Variants in UTRN observed in about 807,000 individuals in gnomAD.
The protein encoded by UTRN is utrophin.
In UTRN, 283 loss-of-function variants were observed where a neutral mutation model predicts 463.9. That is an observed-to-expected ratio of 0.61 (90% confidence interval 0.55 to 0.67). UTRN has a LOEUF of 0.67. Ranked by LOEUF, UTRN falls within the 30% of genes least tolerant of loss-of-function variation. The probability of loss-of-function intolerance (pLI) is 0.00; values close to 1 mark genes in which losing one functional copy is unlikely to be tolerated. For missense variants in UTRN, 3,922 were observed against 4,084.3 expected (o/e 0.96, Z 1.08); for synonymous variants, 1,442 against 1,431.5 (o/e 1.01, Z -0.17).
intron 54 of UTRN, among the ~76,000 whole-genome samples, chr6:144,734,187 G>A (rs1275864000): frequency 2.0e-5 from 3 of 152,006 alleles, no homozygotes; most frequent in South Asian, 2.1e-4. Flanking sequence ...CATGTACCCC[G>A]TAAATATGTA....
At chr6:144,676,937 G>A (rs1294961747) in intron 51 of UTRN, among the ~76,000 whole-genome samples, 1 of 152,122 alleles carries the variant, frequency 6.6e-6, no homozygotes, top group Admixed American at 6.6e-5. Flanking sequence ...GAGAGTAAGA[G>A]TCTGTTGGAT....
At chr6:144,781,045 T>C (rs1016208819) in intron 60 of UTRN, among the ~76,000 whole-genome samples, 6 of 151,926 alleles carry the variant, frequency 3.9e-5, no homozygotes, top group Non-Finnish European at 5.9e-5. Flanking sequence ...CTCCTCCTTT[T>C]AGTAAAGCCA....
chr6:144,653,189 A>G (rs924910535), intron 51 of UTRN, among the ~76,000 whole-genome samples: 6 of 152,116 alleles, frequency 3.9e-5, no homozygotes, highest in African/African-American at 1.2e-4. Context: ...TATCTCATAG[A>G]TTGTACCTGT....
chr6:144,413,391 C>A (rs866248187), intron 3 of UTRN, among the ~76,000 whole-genome samples: 2 of 152,154 alleles, frequency 1.3e-5, no homozygotes, highest in South Asian at 4.1e-4. Flanking sequence ...ACCCACAGTT[C>A]CACATGGCTG....
intron 51 of UTRN, among the ~76,000 whole-genome samples, chr6:144,607,878 T>A (rs1325591245): frequency 2.6e-5 from 4 of 152,218 alleles, no homozygotes; most frequent in Non-Finnish European, 5.9e-5. Context: ...TTGTTTTATT[T>A]GGGACTGTCT....
intron 35 of UTRN, among the ~76,000 whole-genome samples, chr6:144,512,478 C>CT (rs1415532633): frequency 6.6e-6 from 1 of 151,268 alleles, no homozygotes. Context: ...TTCACATTTT[C>CT]TTTTTTTAAA....
intron 34 of UTRN, among the ~76,000 whole-genome samples, chr6:144,509,949 G>C (rs1795038721): frequency 6.6e-6 from 1 of 152,062 alleles, no homozygotes. Context: ...TAGCTATTGG[G>C]TATCCTTTAT....
chr6:144,535,823 A>G (rs546566695), intron 43 of UTRN, among the ~76,000 whole-genome samples: 1 of 152,308 alleles, frequency 6.6e-6, no homozygotes, highest in East Asian at 1.9e-4. Context: ...TCTGATACCC[A>G]GGCTGGAGTG....
intron 2 of UTRN, among the ~76,000 whole-genome samples, chr6:144,399,413 A>G (rs1237197574): frequency 2.0e-5 from 3 of 152,170 alleles, no homozygotes; most frequent in Non-Finnish European, 4.4e-5. Context: ...CAAAATAATA[A>G]TCTTTGCTAA....
chr6:144,805,694 G>T (rs887546692), intron 65 of UTRN, among the ~76,000 whole-genome samples: 6 of 144,492 alleles, frequency 4.2e-5, no homozygotes, highest in African/African-American at 1.7e-4. Flanking sequence ...AGGAGTAAAT[G>T]AAGTTCAAAG....
chr6:144,461,608 A>C (rs1789418411), intron 22 of UTRN, among the ~76,000 whole-genome samples: 1 of 152,218 alleles, frequency 6.6e-6, no homozygotes, highest in Non-Finnish European at 1.5e-5. Context: ...AAATCTGCTA[A>C]AATATCTTTA....
intron 53 of UTRN, among the ~76,000 whole-genome samples, chr6:144,701,455 C>G (rs892347690): frequency 4.9e-4 from 75 of 152,178 alleles, no homozygotes; most frequent in African/African-American, 1.7e-3. Context: ...CAAATGTATA[C>G]TTTTACTCTG....
intron 65 of UTRN, among the ~76,000 whole-genome samples, chr6:144,814,438 T>C (rs1778900720): frequency 6.6e-6 from 1 of 152,202 alleles, no homozygotes; most frequent in Non-Finnish European, 1.5e-5. Flanking sequence ...TTGAGACACA[T>C]GCTGTAATTG....
chr6:144,514,084 G>A (rs766133970), intron 36 of UTRN, 47 bp downstream of exon 36: 2 of 1,608,648 alleles, frequency 1.2e-6, no homozygotes, highest in East Asian at 2.2e-5. Context: ...GGCATGTTTT[G>A]TTGTCATGTT....
intron 53 of UTRN, among the ~76,000 whole-genome samples, chr6:144,719,877 G>A (rs1193455825): frequency 1.3e-5 from 2 of 152,184 alleles, no homozygotes; most frequent in African/African-American, 4.8e-5. Context: ...GTGCATGTTA[G>A]CAAAGTTTGG....
chr6:144,322,713 C>T (rs189541361), intron 2 of UTRN, among the ~76,000 whole-genome samples: 9 of 152,148 alleles, frequency 5.9e-5, no homozygotes, highest in Admixed American at 2.6e-4. Context: ...CCGAGGTGGG[C>T]GGATCACGAG....
rs1174138551 is a variant in UTRN, at chr6:144,820,946, A to C, written c.9422A>C (p.Lys3141Thr). 1 of 1,613,962 alleles carries C rather than the reference A, an allele frequency of 6.2e-7. No homozygotes were observed. Among genetic ancestry groups the C allele is most frequent in the Non-Finnish European group, 8.5e-7 (1 of 1,179,880 alleles). ...KVLKNKFRSK[K>T]YFAKHPRLGY... ...CTTAAGAACAAGTTCAGGTCGAAGA[A>C]GTACTTTGCCAAACACCCTCGACTT... is the stretch of plus-strand genomic sequence containing the variant. Residue 3141 changes from lysine (K) to threonine (T), a missense_variant, in exon 66 of 75, where the codon AAG becomes ACG. By Grantham distance (78) the Lys-to-Thr change is moderately conservative. This residue lies in a region of UTRN where 1,309 missense variants were observed against 1,452.6 expected (regional missense o/e 0.90). Transcript: ENST00000367545.
intron 3 of UTRN, among the ~76,000 whole-genome samples, chr6:144,413,380 G>T (rs141868111): frequency 0.033 from 4,977 of 152,228 alleles, 170 homozygotes; most frequent in African/African-American, 0.084. Flanking sequence ...AGGTTTAATT[G>T]ACCCACAGTT....
intron 51 of UTRN, among the ~76,000 whole-genome samples, chr6:144,626,710 G>A (rs1161290537): frequency 6.6e-6 from 1 of 152,108 alleles, no homozygotes; most frequent in Admixed American, 6.5e-5. Context: ...CACAATTTCG[G>A]CTCGCTGCAA....
Sources: gnomAD v4.1 joint callset for allele counts (sites outside exome capture counted in the v4.1 genomes callset) on GRCh38, gnomAD v4.1.1 for gene constraint, gnomAD v4.1.1 regional missense constraint, MANE v1.5 for transcripts, NCBI Gene and HGNC (gene_info 2026-07-23, HGNC 2026-07-21) for gene names.